ZNF839: variants seen among roughly 807,000 people sequenced by gnomAD.
ZNF839 encodes zinc finger protein 839, also known as renal carcinoma antigen NY-REN-50.
ZNF839 carries 38 observed loss-of-function variants against 56.4 expected under a neutral mutation model. The observed-to-expected ratio is 0.67, with a 90% CI of 0.52 to 0.88. The LOEUF (loss-of-function observed/expected upper bound fraction) is 0.88, where lower values mean the gene tolerates loss of function less well. ZNF839 is among the 40% of genes least tolerant of loss of function. ZNF839 has a pLI of 0.00. For missense variants in ZNF839, 1,091 were observed against 1,177.6 expected, an observed-to-expected ratio of 0.93 and a Z score of 1.08; for synonymous variants, 486 against 493.5, an observed-to-expected ratio of 0.98 and a Z score of 0.20.
At chr14:102,337,022 C>G (rs1376594661) in intron 5 of ZNF839, 3 of 155,286 alleles carry the variant, frequency 1.9e-5, no homozygotes, top group African/African-American at 7.2e-5. Context: ...GCATGAACCA[C>G]CATGCCTAGC....
At chr14:102,338,614 TATA>T (rs1886129404) in intron 5 of ZNF839, among the ~76,000 whole-genome samples, 199 bp from the exon 6 acceptor site, 1 of 152,022 alleles carries the variant, frequency 6.6e-6, no homozygotes, top group Admixed American at 6.6e-5. Flanking sequence ...TTCTAGTTTT[TATA>T]ATCCATTTTT....
chr14:102,334,725 T>C, intron 4 of ZNF839, 79 bp downstream of exon 4: 1 of 756,534 alleles, frequency 1.3e-6, no homozygotes, highest in Non-Finnish European at 1.9e-6. Context: ...TTATTAATTA[T>C]TTTTCAATAG....
In ZNF839 at chr14:102,326,604, T is replaced by G. The variant is rs1408019086; in HGVS notation, c.908T>G (p.Leu303Ter). ...DQRERHALFD[L>*]SSCSLRPKSF... ...AGGGAGAGGCACGCACTCTTTGACTTATCGAGCTGCTCCCTGAGGCCCAAA... is the reference window on the plus strand; with the variant it reads ...AGGGAGAGGCACGCACTCTTTGACTGATCGAGCTGCTCCCTGAGGCCCAAA... The change falls in exon 2 of 8, where the codon TTA becomes TGA. Residue 303 changes from leucine to a stop codon, truncating the protein, a stop_gained. Transcript: ENST00000442396. LOFTEE classifies it high-confidence loss of function. This position sits in a 1 kb window ranked among gnomAD's most constrained non-coding sequence, Gnocchi z 4.3. 1 of 1,613,822 alleles carries G rather than the reference T, an allele frequency of 6.2e-7. No individual in the cohort carries two copies. The highest frequency in any genetic ancestry group is 8.5e-7 in the Non-Finnish European group (1 of 1,179,832).
At chr14:102,325,344 A>G (rs527511474) in intron 1 of ZNF839, among the ~76,000 whole-genome samples, 21 of 151,380 alleles carry the variant, frequency 1.4e-4, no homozygotes, top group African/African-American at 4.6e-4. Flanking sequence ...AATCTCAGAA[A>G]AAAAAAAAAA....
At chr14:102,318,590 G>A (rs926322909), upstream of ZNF839, among the ~76,000 whole-genome samples, 5 of 151,286 alleles carry the variant, frequency 3.3e-5, no homozygotes, top group African/African-American at 1.2e-4. Flanking sequence ...CTGAGATTGT[G>A]CCACTGCACT....
At chr14:102,322,898 A>G (rs1489776737) in intron 1 of ZNF839, among the ~76,000 whole-genome samples, 2 of 152,218 alleles carry the variant, frequency 1.3e-5, no homozygotes, top group African/African-American at 4.8e-5. Context: ...TGCGCAGTCA[A>G]TCTCGTTGTC....
Position 102,326,575 on chromosome 14 carries a change from T to C in ZNF839, c.879T>C (p.Asp293=). 1 of 1,613,884 alleles carries C rather than the reference T, an allele frequency of 6.2e-7. No individual in the cohort carries two copies. The highest frequency in any genetic ancestry group is 2.2e-5 in the East Asian group (1 of 44,888). Residue 293 remains aspartate (D), a synonymous_variant, in exon 2 of 8, where the codon GAT becomes GAC. Transcript: ENST00000442396. This position sits in a 1 kb window ranked among gnomAD's most constrained non-coding sequence, Gnocchi z 4.3. ...YSELCVEEDE[D]QRERHALFDL... Reference sequence around the variant, plus strand: ...AACTCTGTGTGGAAGAAGATGAAGATCAGAGGGAGAGGCACGCACTCTTTG... The same window carrying C: ...AACTCTGTGTGGAAGAAGATGAAGACCAGAGGGAGAGGCACGCACTCTTTG...
chr14:102,337,625 CTG>C (rs1279740049), intron 5 of ZNF839: 4 of 152,204 alleles, frequency 2.6e-5, no homozygotes, highest in Admixed American at 2.6e-4. Context: ...CACACACACA[CTG>C]TGCCTGCCCT....
chr14:102,342,029 C>T lies in ZNF839; in HGVS notation c.2634C>T (p.Ser878=), dbSNP rs1287139771. The T allele has an allele frequency of 1.9e-6, 3 of 1,613,972 alleles. No homozygotes were observed. The highest frequency in any genetic ancestry group is 1.7e-5 in the Admixed American group (1 of 60,018). The change falls in exon 8 of 8, where the codon AGC becomes AGT. Residue 878 remains serine (S), a synonymous_variant. Coordinates refer to ENST00000442396, the MANE Select transcript of ZNF839 (RefSeq NM_018335.6). ...EAMAFEISNG[S]HELLSQGQKQ... is the part of the protein sequence containing the mutation. ...TGGCTTTTGAAATTTCCAATGGGAG[C>T]CATGAGTTACTGTCTCAGGGACAGA... is the stretch of plus-strand genomic sequence containing the variant.
At chr14:102,318,237 G>C (rs773878268), upstream of ZNF839, among the ~76,000 whole-genome samples, 26 of 152,336 alleles carry the variant, frequency 1.7e-4, no homozygotes, top group Middle Eastern at 6.8e-3. Context: ...ACACAGCATG[G>C]AGGAATCGGT....
intron 1 of ZNF839, among the ~76,000 whole-genome samples, 181 bp downstream of exon 1, chr14:102,320,234 C>T (rs895560663): frequency 1.6e-4 from 24 of 152,164 alleles, no homozygotes; most frequent in African/African-American, 5.6e-4. Flanking sequence ...GCATTTTCAC[C>T]CCAGGAGCCT....
chr14:102,340,629 G>A (rs1191709307), intron 7 of ZNF839, among the ~76,000 whole-genome samples: 3 of 152,096 alleles, frequency 2.0e-5, no homozygotes, highest in African/African-American at 7.2e-5. Flanking sequence ...AGGTTATTGT[G>A]AAATACAGGG....
intron 2 of ZNF839, among the ~76,000 whole-genome samples, chr14:102,327,719 T>A (rs1424219423): frequency 6.6e-6 from 1 of 152,128 alleles, no homozygotes; most frequent in Non-Finnish European, 1.5e-5. Flanking sequence ...CCAGAATCAC[T>A]CTAGTGGAGG....
intron 7 of ZNF839, among the ~76,000 whole-genome samples, chr14:102,340,712 G>C: frequency 6.6e-6 from 1 of 152,088 alleles, no homozygotes; most frequent in East Asian, 1.9e-4. Context: ...ATTTGGAAAG[G>C]CCTCTTTGGG....
rs1296159646 is a variant in ZNF839 at position 102,335,855 on chromosome 14, G to A, written c.1659+17G>A. Reference sequence around the variant, plus strand: ...AATGATAAGGTAACAATCTCCCATGGCAGAAAGAGTTTTGCTCATAGAGTT... The same window carrying A: ...AATGATAAGGTAACAATCTCCCATGACAGAAAGAGTTTTGCTCATAGAGTT... On this transcript the variant is annotated intron_variant, in intron 5 of 7. Coordinates refer to ENST00000442396, the MANE Select transcript of ZNF839 (RefSeq NM_018335.6). The A allele has an allele frequency of 3.7e-6, 6 of 1,607,802 alleles. No homozygotes were observed. The highest frequency in any genetic ancestry group is 1.7e-4 in the Middle Eastern group (1 of 6,052).
intron 2 of ZNF839, among the ~76,000 whole-genome samples, chr14:102,330,534 CTTTTT>C (rs562581331): frequency 7.9e-6 from 1 of 126,210 alleles, no homozygotes; most frequent in Non-Finnish European, 1.7e-5. Flanking sequence ...GCTCCCCGCT[CTTTTT>C]TTTTTTTTTT....
upstream of ZNF839, among the ~76,000 whole-genome samples, chr14:102,318,408 G>A (rs1254075780): frequency 2.6e-5 from 4 of 152,072 alleles, no homozygotes; most frequent in South Asian, 4.1e-4. Context: ...CGAGGCGGGC[G>A]GATCACCTAA....
At chr14:102,340,563 C>T (rs1293959547) in intron 7 of ZNF839, among the ~76,000 whole-genome samples, 1 of 152,160 alleles carries the variant, frequency 6.6e-6, no homozygotes, top group Non-Finnish European at 1.5e-5. Context: ...TGAGCAGCCA[C>T]CGTGCCCAGC....
At chr14:102,337,864 C>A (rs1886003497) in intron 5 of ZNF839, 1 of 152,280 alleles carries the variant, frequency 6.6e-6, no homozygotes, top group Non-Finnish European at 1.5e-5. Flanking sequence ...CCAGCTGTCT[C>A]TTAGCACTTT....
Sources: gnomAD v4.1 joint callset for allele counts (sites outside exome capture counted in the v4.1 genomes callset) on GRCh38, gnomAD v4.1.1 for gene constraint, Gnocchi (gnomAD v3.1) non-coding constraint, MANE v1.5 for transcripts, NCBI Gene and HGNC (gene_info 2026-07-23, HGNC 2026-07-21) for gene names.